The following SLC19A1 variants were observed in gnomAD, a reference collection of about 807,000 sequenced individuals.
The protein encoded by SLC19A1 is solute carrier family 19 member 1.
SLC19A1 carries 37 observed loss-of-function variants against 35.3 expected under a neutral mutation model. The observed-to-expected ratio is 1.05, with a 90% CI of 0.81 to 1.38. SLC19A1 has a LOEUF of 1.38. Among genes scored for constraint, SLC19A1 ranks in the 40% most tolerant of loss-of-function variants. The pLI is 0.00. For synonymous variants in SLC19A1, 460 were observed against 398.5 expected, an observed-to-expected ratio of 1.15 and a Z score of -1.84; for missense variants, 831 against 826.9, an observed-to-expected ratio of 1.00 and a Z score of -0.06.
Position 45,530,857 on chromosome 21 carries a change from T to C in SLC19A1, c.1064A>G (p.His355Arg). Residue 355 changes from histidine (H) to arginine (R), a missense_variant, in exon 4 of 6, where the codon CAC becomes CGC. By Grantham distance (29) the His-to-Arg change is conservative (BLOSUM62 0). Coordinates refer to ENST00000311124, the MANE Select transcript of SLC19A1 (RefSeq NM_194255.4). This position sits in a 1 kb window ranked among gnomAD's most constrained non-coding sequence, Gnocchi z 5.3. ...CCAGATGCTGCTCGGGTGGCGCGTGTGCGCCAGAAGGAAGACCAGCCCCGC... is the reference window on the plus strand; with the variant it reads ...CCAGATGCTGCTCGGGTGGCGCGTGCGCGCCAGAAGGAAGACCAGCCCCGC... ...TQAGLVFLLAHTRHPSSIWLC... is the reference protein window; with the variant it reads ...TQAGLVFLLARTRHPSSIWLC... The C allele has an allele frequency of 1.3e-6, 2 of 1,498,438 alleles. No homozygotes were observed. The highest frequency in any genetic ancestry group is 1.8e-6 in the Non-Finnish European group (2 of 1,123,548). 92.8% of individuals were successfully genotyped at this position (1,498,438 alleles called of 1,614,324 possible). A position where few individuals can be genotyped will look rare whatever the true frequency, so the allele number is the denominator to read the frequency against.
At chr21:45,518,690 G>A (rs964684469) in intron 5 of SLC19A1, among the ~76,000 whole-genome samples, 1 of 152,122 alleles carries the variant, frequency 6.6e-6, no homozygotes, top group Admixed American at 6.5e-5. Context: ...AAGCTATGAG[G>A]AAGGGGCACC....
At chr21:45,506,100 A>G (rs2037188756) in intron 3 of SLC19A1, 1 of 1,377,412 alleles carries the variant, frequency 7.3e-7, no homozygotes, top group Non-Finnish European at 1.0e-6. Flanking sequence ...TAAACTTTCA[A>G]ACTTTTGGTA....
At chr21:45,509,922 C>T, downstream of SLC19A1, 2 of 960,732 alleles carry the variant, frequency 2.1e-6, no homozygotes, top group Admixed American at 2.5e-5. Context: ...CTGGGCCCCT[C>T]AGTGTGTCAC....
At chr21:45,547,873 A>C (rs1476239711), upstream of SLC19A1, among the ~76,000 whole-genome samples, 1 of 152,206 alleles carries the variant, frequency 6.6e-6, no homozygotes, top group East Asian at 1.9e-4. Flanking sequence ...GACTCTTTTC[A>C]TTGACAATTG....
In SLC19A1 at chr21:45,515,053, G is replaced by A. The variant is rs1016751586; in HGVS notation, c.*605C>T. 7.6e-5 allele frequency: 117 copies of A among 1,543,880 alleles called. No individual in the cohort carries two copies. The highest frequency in any genetic ancestry group is 9.2e-5 in the Non-Finnish European group (105 of 1,144,942). On this transcript the variant is annotated 3_prime_UTR_variant, in exon 6 of 6. Coordinates refer to ENST00000311124, the MANE Select transcript of SLC19A1 (RefSeq NM_194255.4). Reference sequence around the variant, plus strand: ...AGGGTGGGAGAGAGGAACCAGCTCCGAGGACCAGAGCCGCTGCTCCCCTCT... The same window carrying A: ...AGGGTGGGAGAGAGGAACCAGCTCCAAGGACCAGAGCCGCTGCTCCCCTCT...
At chr21:45,556,862 C>T (rs1041031669) in intron 1 of SLC19A1, among the ~76,000 whole-genome samples, 7 of 152,236 alleles carry the variant, frequency 4.6e-5, no homozygotes, top group Non-Finnish European at 8.8e-5. Context: ...GGGCCCTGCA[C>T]AGCAACCGGC....
At chr21:45,528,144 G>C (rs1250053010) in intron 4 of SLC19A1, among the ~76,000 whole-genome samples, 1 of 151,898 alleles carries the variant, frequency 6.6e-6, no homozygotes, top group Admixed American at 6.6e-5. Flanking sequence ...GAAGCACACA[G>C]AGGTCCCGGT....
chr21:45,507,603 C>T, downstream of SLC19A1: 1 of 1,612,612 alleles, frequency 6.2e-7, no homozygotes, highest in Non-Finnish European at 8.5e-7. Context: ...GGTAAGGAGC[C>T]TTTTTTCTGT....
rs890706026 is a variant in SLC19A1 at position 45,513,316 on chromosome 21, CAG to C, written c.*2340_*2341del. The C allele has an allele frequency of 1.3e-5, 2 of 152,324 alleles. No homozygotes were observed. The highest frequency in any genetic ancestry group is 1.3e-4 in the Admixed American group (2 of 15,290). The allele number at this position is 152,324 out of a possible 1,614,324, so 9.4% of individuals were successfully genotyped here. A position where few individuals can be genotyped will look rare whatever the true frequency, so the allele number is the denominator to read the frequency against. ...CACAGGACATGCGGTAGCCAGCACA[CAG>C]GGCAGTGAGGGAGGGCTGTCATCTG... On this transcript the variant is annotated 3_prime_UTR_variant, in exon 6 of 6. Transcript: ENST00000311124.
In SLC19A1 at chr21:45,515,552, C is replaced by A; in HGVS notation, c.*106G>T. ...GGGGGAATCCTAGGGGGCCTGCTAG[C>A]AGGATAAGCGGAGGCCCCCATTGCT... is the stretch of plus-strand genomic sequence containing the variant. On this transcript the variant is annotated 3_prime_UTR_variant, in exon 6 of 6. Transcript: ENST00000311124. 6.4e-7 allele frequency: 1 copy of A among 1,552,332 alleles called. No individual in the cohort carries two copies. Among genetic ancestry groups the A allele is most frequent in the South Asian group, 1.2e-5 (1 of 82,166 alleles).
chr21:45,537,853 C>A lies in SLC19A1; in HGVS notation c.107G>T (p.Gly36Val). The A allele has an allele frequency of 6.2e-7, 1 of 1,608,362 alleles. No individual in the cohort carries two copies. The change falls in exon 2 of 6, where the codon GGC becomes GTC. Residue 36 changes from glycine to valine, a missense_variant. By Grantham distance (109) the Gly-to-Val change is moderately radical. Coordinates refer to ENST00000311124, the MANE Select transcript of SLC19A1 (RefSeq NM_194255.4). ...CCCTGGCCGTATCTGCGCCATGAAG[C>A]CGTAGAAGCAAAGGTAGCACACGAG... is the stretch of plus-strand genomic sequence containing the variant. ...RHLVCYLCFY[G>V]FMAQIRPGES...
chr21:45,518,729 C>T lies in SLC19A1; in HGVS notation c.1294-2589G>A, dbSNP rs147677257. 6.9e-3 allele frequency among the ~76,000 whole-genome samples: 1,055 copies of T among 152,082 alleles called. 9 individuals are homozygous for T. The highest frequency in any genetic ancestry group is 0.023 in the South Asian group (111 of 4,828). On this transcript the variant is annotated intron_variant, in intron 5 of 5. Transcript: ENST00000311124. Reference sequence around the variant, plus strand: ...TTTCTCACAGGCTAAAAAAAAAGAACACTGTCTACCCAGCATCCTATATCC... The same window carrying T: ...TTTCTCACAGGCTAAAAAAAAAGAATACTGTCTACCCAGCATCCTATATCC...
At chr21:45,523,418 G>C (rs1285988469) in intron 5 of SLC19A1, among the ~76,000 whole-genome samples, 1 of 152,172 alleles carries the variant, frequency 6.6e-6, no homozygotes, top group Non-Finnish European at 1.5e-5. Context: ...CCCCAGAGCT[G>C]TCTCCCCCAC....
intron 1 of SLC19A1, among the ~76,000 whole-genome samples, chr21:45,550,668 T>C (rs1413657001): frequency 6.6e-6 from 1 of 152,238 alleles, no homozygotes; most frequent in African/African-American, 2.4e-5. Context: ...CGTGGTTTTG[T>C]TGCATGCAGA....
downstream of SLC19A1, chr21:45,507,665 G>A (rs2037303244): frequency 2.1e-6 from 3 of 1,420,016 alleles, no homozygotes; most frequent in Admixed American, 3.6e-5. Flanking sequence ...TCCCCTGTTT[G>A]AGGAACAACA....
intron 5 of SLC19A1, among the ~76,000 whole-genome samples, chr21:45,516,463 C>G (rs985281527): frequency 2.0e-5 from 3 of 152,212 alleles, no homozygotes; most frequent in African/African-American, 7.2e-5. Context: ...GCTGCCCCCC[C>G]ATGGTGCTGA....
chr21:45,541,894 G>C (rs147077731), intron 1 of SLC19A1: 7 of 152,374 alleles, frequency 4.6e-5, no homozygotes, highest in Middle Eastern at 3.4e-3. Flanking sequence ...GCGGAGGGCA[G>C]GCTGGGGGCC....
intron 4 of SLC19A1, among the ~76,000 whole-genome samples, chr21:45,529,617 G>A (rs1435707873): frequency 6.7e-5 from 1 of 14,996 alleles, no homozygotes; most frequent in African/African-American, 5.7e-4. Flanking sequence ...GTCCATGTGT[G>A]AACGTGTCCA....
At chr21:45,537,484 C>T (rs888996866) in intron 2 of SLC19A1, among the ~76,000 whole-genome samples, 4 of 149,664 alleles carry the variant, frequency 2.7e-5, no homozygotes, top group African/African-American at 9.9e-5. Flanking sequence ...CACAGGCGGC[C>T]GCCCAGCACC....
Sources: allele counts gnomAD v4.1 joint callset (sites outside exome capture counted in the v4.1 genomes callset), GRCh38; gene constraint gnomAD v4.1.1; non-coding constraint Gnocchi (gnomAD v3.1); transcripts MANE v1.5; gene names NCBI Gene and HGNC (gene_info 2026-07-23, HGNC 2026-07-21).